The following EPHA3 variants were observed in gnomAD, a reference collection of about 807,000 sequenced individuals.
EPHA3 encodes the protein ephrin type-A receptor 3.
A neutral mutation model predicts 107.1 loss-of-function variants in EPHA3; 42 were observed. The observed-to-expected ratio is 0.39, with a 90% CI of 0.31 to 0.51. The LOEUF (loss-of-function observed/expected upper bound fraction) is 0.51, where lower values mean the gene tolerates loss of function less well. Ranked by LOEUF, EPHA3 falls within the 20% of genes least tolerant of loss-of-function variation. The pLI is 0.78. For synonymous variants in EPHA3, 461 were observed against 424.8 expected (o/e 1.09, Z -1.05); for missense variants, 1,183 against 1,211.2 (o/e 0.98, Z 0.35).
intron 1 of EPHA3, among the ~76,000 whole-genome samples, chr3:89,123,082 A>G (rs1038689501): frequency 5.3e-5 from 8 of 152,140 alleles, no homozygotes; most frequent in Admixed American, 2.0e-4. Context: ...CCTCCTTTCC[A>G]TAAGTACTTA....
At chr3:89,275,981 G>A (rs12496485) in intron 3 of EPHA3, among the ~76,000 whole-genome samples, 35,837 of 151,890 alleles carry the variant, frequency 0.24, 4,709 homozygotes, top group African/African-American at 0.37. Context: ...GTTGCAGAAG[G>A]TGTCTGAACT....
At chr3:89,272,706 T>A (rs1195638126) in intron 3 of EPHA3, among the ~76,000 whole-genome samples, 3 of 151,946 alleles carry the variant, frequency 2.0e-5, no homozygotes, top group African/African-American at 7.2e-5. Flanking sequence ...TTGGTCCACA[T>A]TTTACTTACT....
At chr3:89,409,162 C>A (rs184385713) in intron 9 of EPHA3, among the ~76,000 whole-genome samples, 32 of 152,020 alleles carry the variant, frequency 2.1e-4, no homozygotes, top group African/African-American at 7.7e-4. Flanking sequence ...CCAATTGCAG[C>A]GTCTATAAAA....
At chr3:89,391,773 T>C (rs1387574328) in intron 5 of EPHA3, among the ~76,000 whole-genome samples, 1 of 152,098 alleles carries the variant, frequency 6.6e-6, no homozygotes, top group African/African-American at 2.4e-5. Flanking sequence ...TAAAATATAA[T>C]CAATACCACT....
chr3:89,471,893 C>T (rs941653792), intron 15 of EPHA3, among the ~76,000 whole-genome samples: 2 of 149,834 alleles, frequency 1.3e-5, no homozygotes, highest in African/African-American at 4.9e-5. Context: ...TTTTTCTTAT[C>T]AGTCATCTAC....
intron 1 of EPHA3, among the ~76,000 whole-genome samples, chr3:89,112,520 A>C (rs1404884128): frequency 1.3e-5 from 2 of 152,072 alleles, no homozygotes; most frequent in Non-Finnish European, 2.9e-5. Context: ...TCAGAAATTT[A>C]AATTTTTTTC....
chr3:89,177,715 T>C (rs1705350502), intron 2 of EPHA3, among the ~76,000 whole-genome samples: 1 of 152,208 alleles, frequency 6.6e-6, no homozygotes, highest in African/African-American at 2.4e-5. Flanking sequence ...AAATGCACTG[T>C]TTTATCAAAT....
intron 3 of EPHA3, among the ~76,000 whole-genome samples, chr3:89,284,881 C>A (rs1706040902): frequency 6.6e-6 from 1 of 152,166 alleles, no homozygotes; most frequent in Non-Finnish European, 1.5e-5. Context: ...AATTCCAGCA[C>A]TTTGGGAGGC....
chr3:89,321,245 C>T (rs112469812), intron 3 of EPHA3, among the ~76,000 whole-genome samples: 2 of 151,930 alleles, frequency 1.3e-5, no homozygotes, highest in Non-Finnish European at 2.9e-5. Context: ...AGTCCTTCTC[C>T]ACCATCCATT....
At chr3:89,267,610 G>C (rs367563775) in intron 3 of EPHA3, among the ~76,000 whole-genome samples, 1 of 152,090 alleles carries the variant, frequency 6.6e-6, no homozygotes, top group Non-Finnish European at 1.5e-5. Flanking sequence ...CTACATTAAA[G>C]GTAACGTCTT....
intron 3 of EPHA3, among the ~76,000 whole-genome samples, chr3:89,292,999 A>AC (rs1247246338): frequency 2.0e-5 from 3 of 151,822 alleles, no homozygotes; most frequent in Non-Finnish European, 2.9e-5. Context: ...TATCTTCACC[A>AC]CCCCTTTGTA....
intron 2 of EPHA3, among the ~76,000 whole-genome samples, chr3:89,190,537 AAAG>A (rs1163864208): frequency 6.6e-6 from 1 of 152,202 alleles, no homozygotes; most frequent in African/African-American, 2.4e-5. Context: ...GGTTTAAACA[AAAG>A]AAGTATTTTT....
At chr3:89,172,058 C>T (rs993406847) in intron 2 of EPHA3, among the ~76,000 whole-genome samples, 4 of 152,112 alleles carry the variant, frequency 2.6e-5, no homozygotes, top group Non-Finnish European at 4.4e-5. Flanking sequence ...CCCACCACCC[C>T]CTTTACGTCT....
chr3:89,373,669 T>G (rs954552348), intron 5 of EPHA3, among the ~76,000 whole-genome samples: 20 of 151,790 alleles, frequency 1.3e-4, no homozygotes, highest in Admixed American at 1.2e-3. Context: ...GGGAACTCAC[T>G]TATCTGCCTC....
At chr3:89,406,028 G>A (rs1242903446) in intron 7 of EPHA3, among the ~76,000 whole-genome samples, 1 of 152,154 alleles carries the variant, frequency 6.6e-6, no homozygotes, top group Non-Finnish European at 1.5e-5. Flanking sequence ...TCATGGTTTA[G>A]AAGGAATATT....
intron 5 of EPHA3, among the ~76,000 whole-genome samples, chr3:89,382,508 C>CAAAAAAAAA (rs575357952): frequency 1.3e-5 from 1 of 79,766 alleles, no homozygotes; most frequent in Non-Finnish European, 2.6e-5. Context: ...AATTCCATCT[C>CAAAAAAAAA]AAAAAAAAAA....
At chr3:89,367,697 C>T (rs1708210585) in intron 5 of EPHA3, among the ~76,000 whole-genome samples, 1 of 150,686 alleles carries the variant, frequency 6.6e-6, no homozygotes, top group African/African-American at 2.4e-5. Context: ...TATCTCCTTC[C>T]TATTCTCCAG....
intron 3 of EPHA3, among the ~76,000 whole-genome samples, chr3:89,325,176 T>G (rs1488330359): frequency 1.3e-5 from 2 of 152,340 alleles, no homozygotes; most frequent in South Asian, 2.1e-4. Context: ...TGTGTCTTTT[T>G]GGAAGAATGA....
chr3:89,478,119 T>G (rs751703547), intron 16 of EPHA3, among the ~76,000 whole-genome samples: 1 of 152,198 alleles, frequency 6.6e-6, no homozygotes, highest in Non-Finnish European at 1.5e-5. Flanking sequence ...AATATATAAT[T>G]AACCATTTGC....
Sources: allele counts gnomAD v4.1 joint callset (sites outside exome capture counted in the v4.1 genomes callset), GRCh38; gene constraint gnomAD v4.1.1; transcripts MANE v1.5; gene names NCBI Gene and HGNC (gene_info 2026-07-23, HGNC 2026-07-21).